ERC2: variants seen among roughly 807,000 people sequenced by gnomAD.
ERC2 encodes the protein ERC protein 2.
ERC2 carries 42 observed loss-of-function variants against 114.8 expected under a neutral mutation model. That is an observed-to-expected ratio of 0.37 (90% CI 0.29 to 0.47). The LOEUF (loss-of-function observed/expected upper bound fraction) is 0.47. Ranked by LOEUF, ERC2 falls within the 20% of genes least tolerant of loss-of-function variation. The pLI, the probability that ERC2 is intolerant of heterozygous loss-of-function variation, is 0.99. For missense variants in ERC2, 939 were observed against 1,150.7 expected, an observed-to-expected ratio of 0.82 and a Z score of 2.66; for synonymous variants, 454 against 425.5, an observed-to-expected ratio of 1.07 and a Z score of -0.82.
At chr3:55,968,510 T>C (rs181779509) in intron 12 of ERC2, among the ~76,000 whole-genome samples, 63 of 152,330 alleles carry the variant, frequency 4.1e-4, no homozygotes, top group Admixed American at 1.2e-3. Context: ...TGACTAATTA[T>C]AAGTCTCAGA....
chr3:55,810,705 C>A (rs1450815024), intron 14 of ERC2, among the ~76,000 whole-genome samples: 2 of 152,172 alleles, frequency 1.3e-5, no homozygotes, highest in Non-Finnish European at 2.9e-5. Context: ...GGTGATCCAC[C>A]TGCCTTGGCC....
intron 16 of ERC2, among the ~76,000 whole-genome samples, chr3:55,684,323 C>T (rs546542830): frequency 9.4e-6 from 1 of 106,766 alleles, no homozygotes; most frequent in African/African-American, 3.0e-5. Context: ...CACACACACG[C>T]ACACACACAC....
At chr3:55,621,275 C>T (rs567041100) in intron 17 of ERC2, among the ~76,000 whole-genome samples, 85 of 152,248 alleles carry the variant, frequency 5.6e-4, no homozygotes, top group African/African-American at 1.8e-3. Flanking sequence ...GCTGGTTAAA[C>T]GCCCAGCTGG....
chr3:55,618,015 G>A (rs1164979782), intron 17 of ERC2, among the ~76,000 whole-genome samples: 2 of 151,690 alleles, frequency 1.3e-5, no homozygotes, highest in Admixed American at 6.6e-5. Context: ...TATACTGACA[G>A]GAGAGAAACT....
intron 2 of ERC2, among the ~76,000 whole-genome samples, chr3:56,431,145 A>T (rs1166096011): frequency 6.6e-6 from 1 of 152,252 alleles, no homozygotes; most frequent in Non-Finnish European, 1.5e-5. Flanking sequence ...AATGCCTAGC[A>T]CACAGTTGGC....
chr3:55,822,022 A>G (rs1167066311), intron 14 of ERC2, among the ~76,000 whole-genome samples: 1 of 152,234 alleles, frequency 6.6e-6, no homozygotes, highest in Non-Finnish European at 1.5e-5. Context: ...GACTTCATTT[A>G]AAACTTCAGA....
chr3:55,955,288 G>GTGTT (rs2067875984), intron 12 of ERC2: 2 of 358,714 alleles, frequency 5.6e-6, no homozygotes, highest in Non-Finnish European at 1.1e-5. Flanking sequence ...GTGTGTGTGT[G>GTGTT]TAAGTGGGGT....
At chr3:56,089,596 A>C (rs955246381) in intron 6 of ERC2, among the ~76,000 whole-genome samples, 9 of 146,614 alleles carry the variant, frequency 6.1e-5, no homozygotes, top group Non-Finnish European at 1.4e-4. Flanking sequence ...CTTTTTTTTA[A>C]TACTTTTAGC....
chr3:55,599,233 G>A (rs2058290561), intron 17 of ERC2, among the ~76,000 whole-genome samples: 1 of 152,180 alleles, frequency 6.6e-6, no homozygotes, highest in African/African-American at 2.4e-5. Flanking sequence ...GCCACATCTT[G>A]CTATGGACTG....
chr3:55,726,832 G>A (rs897562345), intron 15 of ERC2, among the ~76,000 whole-genome samples: 8 of 152,282 alleles, frequency 5.3e-5, no homozygotes, highest in Middle Eastern at 3.4e-3. Context: ...GCTGACCTAT[G>A]TGTTTCCTGG....
At chr3:56,270,429 G>A (rs938908708) in intron 3 of ERC2, among the ~76,000 whole-genome samples, 4 of 152,194 alleles carry the variant, frequency 2.6e-5, no homozygotes, top group African/African-American at 4.8e-5. Context: ...TTTAAATTCC[G>A]GTAATGGAGG....
intron 7 of ERC2, among the ~76,000 whole-genome samples, chr3:56,066,416 G>A (rs2076483665): frequency 6.6e-6 from 1 of 152,062 alleles, no homozygotes; most frequent in African/African-American, 2.4e-5. Flanking sequence ...TTTTCTTCTT[G>A]TAAATTTGTT....
At chr3:56,330,604 T>G (rs754651375) in intron 2 of ERC2, among the ~76,000 whole-genome samples, 68 of 152,140 alleles carry the variant, frequency 4.5e-4, no homozygotes, top group Non-Finnish European at 5.6e-4. Flanking sequence ...TTACACAGGC[T>G]AGGGATACCA....
chr3:55,584,138 G>C (rs937087397), intron 17 of ERC2, among the ~76,000 whole-genome samples: 1 of 152,198 alleles, frequency 6.6e-6, no homozygotes, highest in Non-Finnish European at 1.5e-5. Context: ...ATTCTTAGCA[G>C]TAATGTAGCC....
chr3:56,350,431 T>G (rs1423048340), intron 2 of ERC2, among the ~76,000 whole-genome samples: 1 of 152,230 alleles, frequency 6.6e-6, no homozygotes, highest in East Asian at 1.9e-4. Flanking sequence ...CTATTGTATC[T>G]TCAGTCTGTT....
intron 14 of ERC2, among the ~76,000 whole-genome samples, chr3:55,837,425 TA>T (rs2060941767): frequency 2.0e-5 from 3 of 152,124 alleles, no homozygotes; most frequent in African/African-American, 7.2e-5. Context: ...TATGCAGCCA[TA>T]AAAAATGATG....
chr3:56,233,882 CCTCTTGCCTCA>C (rs1322192244), intron 3 of ERC2, among the ~76,000 whole-genome samples: 2 of 152,154 alleles, frequency 1.3e-5, no homozygotes, highest in Admixed American at 1.3e-4. Context: ...TGACTCCAAC[CCTCTTGCCTCA>C]CTCTTCACTT....
chr3:55,826,301 C>T (rs2060324506), intron 14 of ERC2, among the ~76,000 whole-genome samples: 1 of 152,138 alleles, frequency 6.6e-6, no homozygotes, highest in African/African-American at 2.4e-5. Context: ...ACTGTGAATG[C>T]AGTGCTCCAG....
At chr3:56,109,268 G>T (rs1488761545) in intron 6 of ERC2, among the ~76,000 whole-genome samples, 2 of 151,930 alleles carry the variant, frequency 1.3e-5, no homozygotes, top group Admixed American at 1.3e-4. Context: ...GTGAGAACAT[G>T]CGGTATTTGA....
Sources: gnomAD v4.1 joint callset for allele counts (sites outside exome capture counted in the v4.1 genomes callset) on GRCh38, gnomAD v4.1.1 for gene constraint, MANE v1.5 for transcripts, NCBI Gene and HGNC (gene_info 2026-07-23, HGNC 2026-07-21) for gene names.